NYAP2: variants seen among roughly 807,000 people sequenced by gnomAD.
NYAP2 encodes neuronal tyrosine-phosphorylated phosphoinositide-3-kinase adapter 2.
In NYAP2, 23 loss-of-function variants were observed where a neutral mutation model predicts 50.4. That is an observed-to-expected ratio of 0.46 (90% CI 0.33 to 0.65). The LOEUF is 0.65. NYAP2 is among the 30% of genes least tolerant of loss of function. NYAP2 has a pLI of 0.02. For synonymous variants in NYAP2, 394 were observed against 365.2 expected (o/e 1.08, Z -0.90); for missense variants, 885 against 861.0 (o/e 1.03, Z -0.35).
intron 4 of NYAP2, among the ~76,000 whole-genome samples, chr2:225,571,179 C>G (rs916444264): frequency 6.6e-6 from 1 of 152,258 alleles, no homozygotes. Flanking sequence ...GCTGCTTTCA[C>G]AGGCTGGTGT....
At chr2:225,536,965 A>G (rs1691362588) in intron 4 of NYAP2, among the ~76,000 whole-genome samples, 2 of 151,806 alleles carry the variant, frequency 1.3e-5, no homozygotes, top group Non-Finnish European at 1.5e-5. Context: ...TTTTTAGTAG[A>G]GACGAGGTTT....
At chr2:225,626,177 C>A (rs1693207510) in intron 5 of NYAP2, among the ~76,000 whole-genome samples, 1 of 152,150 alleles carries the variant, frequency 6.6e-6, no homozygotes, top group South Asian at 2.1e-4. Flanking sequence ...ACCTAGCAGG[C>A]AGTTGGATAA....
intron 3 of NYAP2, among the ~76,000 whole-genome samples, chr2:225,455,345 G>A (rs1055394631): frequency 1.3e-5 from 2 of 152,172 alleles, no homozygotes; most frequent in African/African-American, 4.8e-5. Context: ...GGCAGTGCAC[G>A]TTCAAAATGT....
chr2:225,454,894 G>A (rs1251327066), intron 3 of NYAP2, among the ~76,000 whole-genome samples: 9 of 152,028 alleles, frequency 5.9e-5, no homozygotes, highest in Admixed American at 5.9e-4. Context: ...GATGGAATTA[G>A]GTTTGCTAAC....
chr2:225,573,632 G>C (rs1181896417), intron 4 of NYAP2, among the ~76,000 whole-genome samples: 1 of 152,118 alleles, frequency 6.6e-6, no homozygotes. Flanking sequence ...AATGGCTGGG[G>C]CCTCTTATTT....
chr2:225,641,482 A>T (rs55641842), intron 6 of NYAP2, among the ~76,000 whole-genome samples: 3 of 136,488 alleles, frequency 2.2e-5, no homozygotes, highest in African/African-American at 5.5e-5. Context: ...CACACACACA[A>T]TTTTTTTTTT....
intron 6 of NYAP2, among the ~76,000 whole-genome samples, chr2:225,628,789 TG>T (rs1404013438): frequency 1.3e-5 from 2 of 152,170 alleles, no homozygotes; most frequent in African/African-American, 2.4e-5. Flanking sequence ...ACTTCTATTG[TG>T]GCTAGATATA....
At chr2:225,415,287 C>G (rs1193800984) in intron 3 of NYAP2, among the ~76,000 whole-genome samples, 2 of 152,022 alleles carry the variant, frequency 1.3e-5, no homozygotes, top group African/African-American at 2.4e-5. Flanking sequence ...CAAAAAGAAC[C>G]ACTAAAGTCC....
the NYAP2 span, among the ~76,000 whole-genome samples, chr2:225,695,981 CAA>C: frequency 1.3e-5 from 2 of 151,842 alleles, no homozygotes; most frequent in African/African-American, 4.8e-5. Context: ...GCTCCAAGTC[CAA>C]GCTAGTAACT....
chr2:225,510,252 C>A (rs114136189), intron 3 of NYAP2, among the ~76,000 whole-genome samples: 2 of 152,238 alleles, frequency 1.3e-5, no homozygotes, highest in Admixed American at 6.5e-5. Context: ...TTTTCTCATT[C>A]GTGATATTTT....
chr2:225,462,465 T>C (rs1300506865), intron 3 of NYAP2, among the ~76,000 whole-genome samples: 14 of 152,148 alleles, frequency 9.2e-5, no homozygotes, highest in Admixed American at 9.2e-4. Flanking sequence ...CCTGACCAAA[T>C]GCACCCACCC....
chr2:225,505,699 A>G (rs561535631), intron 3 of NYAP2, among the ~76,000 whole-genome samples: 17 of 152,258 alleles, frequency 1.1e-4, no homozygotes, highest in Non-Finnish European at 2.5e-4. Context: ...AGATTATTAT[A>G]CTGGTTCATT....
intron 5 of NYAP2, among the ~76,000 whole-genome samples, chr2:225,596,972 A>G (rs906018726): frequency 2.6e-5 from 4 of 152,186 alleles, no homozygotes; most frequent in Admixed American, 6.5e-5. Flanking sequence ...CTTCATTTTC[A>G]TATCTTTGTT....
At chr2:225,605,600 G>T (rs200931007) in intron 5 of NYAP2, among the ~76,000 whole-genome samples, 1 of 152,024 alleles carries the variant, frequency 6.6e-6, no homozygotes, top group Admixed American at 6.6e-5. Context: ...GGTTGTGCTT[G>T]TTCTTAGATT....
At chr2:225,440,976 G>T (rs1689460960) in intron 3 of NYAP2, among the ~76,000 whole-genome samples, 1 of 152,176 alleles carries the variant, frequency 6.6e-6, no homozygotes, top group Non-Finnish European at 1.5e-5. Flanking sequence ...GAGCCTTGGT[G>T]ATCACTGCTG....
intron 3 of NYAP2, among the ~76,000 whole-genome samples, chr2:225,413,095 T>G (rs1487638277): frequency 1.3e-5 from 2 of 152,108 alleles, no homozygotes; most frequent in African/African-American, 4.8e-5. Flanking sequence ...TCTTTCCTAC[T>G]CTCCCTCCCC....
intron 4 of NYAP2, among the ~76,000 whole-genome samples, chr2:225,520,802 C>T (rs957268378): frequency 2.6e-5 from 4 of 152,126 alleles, no homozygotes; most frequent in Non-Finnish European, 5.9e-5. Flanking sequence ...TTTTCCAATT[C>T]TGTGAAGAAA....
At chr2:225,685,082 C>T in the NYAP2 span, among the ~76,000 whole-genome samples, 1 of 152,254 alleles carries the variant, frequency 6.6e-6, no homozygotes, top group Admixed American at 6.5e-5. Flanking sequence ...ACATATTTTA[C>T]AGGTACTTCC....
chr2:225,684,217 G>A, the NYAP2 span, among the ~76,000 whole-genome samples: 5 of 152,130 alleles, frequency 3.3e-5, no homozygotes, highest in Admixed American at 6.6e-5. Flanking sequence ...ATAGAATCAA[G>A]TATGGCAAAT....
Sources: allele counts gnomAD v4.1 joint callset (sites outside exome capture counted in the v4.1 genomes callset), GRCh38; gene constraint gnomAD v4.1.1; transcripts MANE v1.5; gene names NCBI Gene and HGNC (gene_info 2026-07-23, HGNC 2026-07-21).